The following DNMT3A variants were observed in gnomAD, a reference collection of about 807,000 sequenced individuals.
DNMT3A encodes DNA methyltransferase 3 alpha, also known as DNA (cytosine-5)-methyltransferase 3A.
In DNMT3A, 267 loss-of-function variants were observed where a neutral mutation model predicts 117.6. The ratio of observed to expected loss-of-function variants is 2.27; its 90% CI spans 2.05 to 2.51. The LOEUF (loss-of-function observed/expected upper bound fraction) is 2.51. Among genes scored for constraint, DNMT3A ranks in the 30% most tolerant of loss-of-function variants. The probability of loss-of-function intolerance (pLI) is 0.00; values close to 1 mark genes in which losing one functional copy is unlikely to be tolerated. For synonymous variants in DNMT3A, 432 were observed against 474.8 expected, an observed-to-expected ratio of 0.91 and a Z score of 1.17; for missense variants, 1,029 against 1,260.2, an observed-to-expected ratio of 0.82 and a Z score of 2.78.
rs1426101138 is a variant in DNMT3A, at chr2:25,339,393, C to T, written c.-178+2433G>A. ...ACTCCTTGAGTCTAGAAGGAATTCACCTTTCTTAGGGTCAGTCTCCTATGG... is the reference window on the plus strand; with the variant it reads ...ACTCCTTGAGTCTAGAAGGAATTCATCTTTCTTAGGGTCAGTCTCCTATGG... On this transcript the variant is annotated intron_variant, in intron 1 of 22. Transcript: ENST00000321117. The surrounding 1 kb of genome is among the most constrained non-coding windows in gnomAD (Gnocchi z 4.9). 6.6e-6 allele frequency among the ~76,000 whole-genome samples: 1 copy of T among 152,194 alleles called. No homozygotes were observed. The highest frequency in any genetic ancestry group is 2.4e-5 in the African/African-American group (1 of 41,452).
In DNMT3A at chr2:25,341,847, C is replaced by T; in HGVS notation, c.-199G>A. On this transcript the variant is annotated 5_prime_UTR_variant, in exon 1 of 23. Transcript: ENST00000321117. Reference sequence around the variant, plus strand: ...TTACCGTATGGCCGGTGGGGTCGGGCCGGCCCGGCTGCGCGCCCTGGTGCC... The same window carrying T: ...TTACCGTATGGCCGGTGGGGTCGGGTCGGCCCGGCTGCGCGCCCTGGTGCC... 1.0e-6 allele frequency: 1 copy of T among 980,038 alleles called. No individual in the cohort carries two copies. Among genetic ancestry groups the T allele is most frequent in the South Asian group, 4.6e-5 (1 of 21,974 alleles). 60.7% of individuals were successfully genotyped at this position (980,038 alleles called of 1,614,324 possible). A position where few individuals can be genotyped will look rare whatever the true frequency, so the allele number is the denominator to read the frequency against.
chr2:25,234,521 C>G lies in DNMT3A; in HGVS notation c.2598-101G>C, dbSNP rs1318889348. 7.1e-7 allele frequency: 1 copy of G among 1,401,704 alleles called. No individual in the cohort carries two copies. Among genetic ancestry groups the G allele is most frequent in the African/African-American group, 1.4e-5 (1 of 69,386 alleles). 86.8% of individuals were successfully genotyped at this position (1,401,704 alleles called of 1,614,324 possible). A position where few individuals can be genotyped will look rare whatever the true frequency, so the allele number is the denominator to read the frequency against. On this transcript the variant is annotated intron_variant, in intron 22 of 22. Coordinates refer to ENST00000321117, the MANE Select transcript of DNMT3A (RefSeq NM_022552.5). The surrounding 1 kb of genome is among the most constrained non-coding windows in gnomAD (Gnocchi z 4.5). Reference sequence around the variant, plus strand: ...GCAGGACCCGGAGGACCAGCAGCCACCCGAAGTGCAGGGACAGGGGCACTC... The same window carrying G: ...GCAGGACCCGGAGGACCAGCAGCCAGCCGAAGTGCAGGGACAGGGGCACTC...
chr2:25,247,218 GC>G lies in DNMT3A; in HGVS notation c.1015-61del. On this transcript the variant is annotated intron_variant, in intron 8 of 22. Transcript: ENST00000321117. This position sits in a 1 kb window ranked among gnomAD's most constrained non-coding sequence, Gnocchi z 5.6. The stretch of plus-strand genomic sequence containing the variant: ...TTACACTTGCAAGCACCCACCCCAT[GC>G]CTTGCAACTGGCAGGGGCTGGGAGC... 1 of 1,540,258 alleles carries G rather than the reference GC, an allele frequency of 6.5e-7. No homozygotes were observed. Among genetic ancestry groups the G allele is most frequent in the Non-Finnish European group, 8.9e-7 (1 of 1,121,840 alleles).
chr2:25,305,455 A>C lies in DNMT3A; in HGVS notation c.73-5212T>G, dbSNP rs1453360308. ...GACGATAATAATCTCTCACATTTGCACTGAACGTGGTAATTAACAAAGCAT... is the reference window on the plus strand; with the variant it reads ...GACGATAATAATCTCTCACATTTGCCCTGAACGTGGTAATTAACAAAGCAT... On this transcript the variant is annotated intron_variant, in intron 2 of 22. Coordinates refer to ENST00000321117, the MANE Select transcript of DNMT3A (RefSeq NM_022552.5). The surrounding 1 kb of genome is among the most constrained non-coding windows in gnomAD (Gnocchi z 4.1). 6.6e-6 allele frequency among the ~76,000 whole-genome samples: 1 copy of C among 152,204 alleles called. No individual in the cohort carries two copies. The highest frequency in any genetic ancestry group is 2.4e-5 in the African/African-American group (1 of 41,456).
At position 25,247,968 on chromosome 2, in the gene DNMT3A, G is replaced by T; in HGVS notation, c.855+69C>A. On this transcript the variant is annotated intron_variant, in intron 7 of 22. Coordinates refer to ENST00000321117, the MANE Select transcript of DNMT3A (RefSeq NM_022552.5). This position sits in a 1 kb window ranked among gnomAD's most constrained non-coding sequence, Gnocchi z 5.6. The stretch of plus-strand genomic sequence containing the variant: ...CGTGGGAGATGGAGAGAGGAGAGCA[G>T]GACGGGAGGAGCTGGCAGTGGAAGG... 6.2e-7 allele frequency: 1 copy of T among 1,602,066 alleles called. No individual in the cohort carries two copies. Among genetic ancestry groups the T allele is most frequent in the South Asian group, 1.1e-5 (1 of 90,374 alleles).
chr2:25,270,381 G>A (rs1015513816), intron 6 of DNMT3A, among the ~76,000 whole-genome samples: 29 of 152,160 alleles, frequency 1.9e-4, no homozygotes, highest in African/African-American at 7.0e-4. Flanking sequence ...GGGAAAACTA[G>A]GAATCCTCTA....
intron 1 of DNMT3A, among the ~76,000 whole-genome samples, chr2:25,336,655 C>T (rs1416578027): frequency 6.6e-6 from 1 of 152,088 alleles, no homozygotes; most frequent in African/African-American, 2.4e-5. Context: ...CCCCTACCCC[C>T]ACTGGCCGCC....
intron 9 of DNMT3A, 57 bp downstream of exon 9, chr2:25,246,994 T>G (rs1674878027): frequency 6.3e-7 from 1 of 1,578,754 alleles, no homozygotes; most frequent in Non-Finnish European, 8.6e-7. Flanking sequence ...GCACTCCAAC[T>G]TCCAGGCCTC....
In DNMT3A at chr2:25,311,128, CGGGGGCGGGGAGG is replaced by C. The variant is rs1359277481; in HGVS notation, c.72+2772_72+2784del. Among the ~76,000 whole-genome samples, 1 of 1,064 alleles carries C rather than the reference CGGGGGCGGGGAGG, an allele frequency of 9.4e-4. No homozygotes were observed. Among genetic ancestry groups the C allele is most frequent in the Non-Finnish European group, 2.2e-3 (1 of 464 alleles). The allele number at this position is 1,064 out of a possible 152,430, so 0.7% of individuals were successfully genotyped here. On this transcript the variant is annotated intron_variant, in intron 2 of 22. Coordinates refer to ENST00000321117, the MANE Select transcript of DNMT3A (RefSeq NM_022552.5). This position sits in a 1 kb window ranked among gnomAD's most constrained non-coding sequence, Gnocchi z 5.2. ...AGGTGCATGGAGGCGGGGCTGGGGG[CGGGGGCGGGGAGG>C]GGGGGCGGCGGTGGGCAGAGGCTAG...
rs1675927459 is a variant in DNMT3A at position 25,254,324 on chromosome 2, G to A, written c.640-6072C>T. Among the ~76,000 whole-genome samples, 1 of 151,762 alleles carries A rather than the reference G, an allele frequency of 6.6e-6. No individual in the cohort carries two copies. The highest frequency in any genetic ancestry group is 1.5e-5 in the Non-Finnish European group (1 of 67,962). ...AAGTCACGAGATGTGCAGTGAGGGA[G>A]CCCCCCCTCCCCCTGAGGGCCATCA... On this transcript the variant is annotated intron_variant, in intron 6 of 22. Coordinates refer to ENST00000321117, the MANE Select transcript of DNMT3A (RefSeq NM_022552.5). The surrounding 1 kb of genome is among the most constrained non-coding windows in gnomAD (Gnocchi z 4.7).
At chr2:25,341,949 C>G (rs1573524853), upstream of DNMT3A, 5 of 978,060 alleles carry the variant, frequency 5.1e-6, no homozygotes, top group South Asian at 4.6e-5. Context: ...CCCGGCCCGC[C>G]TGCCTGCCTC....
At position 25,294,969 on chromosome 2, in the gene DNMT3A, T is replaced by C. The variant is rs867125828; in HGVS notation, c.177+5170A>G. Reference sequence around the variant, plus strand: ...TGAGCAAAAATAACCCTGGAGGAAGTTGGTGGGTATAAATCGTCAATGAAT... The same window carrying C: ...TGAGCAAAAATAACCCTGGAGGAAGCTGGTGGGTATAAATCGTCAATGAAT... On this transcript the variant is annotated intron_variant, in intron 3 of 22. Coordinates refer to ENST00000321117, the MANE Select transcript of DNMT3A (RefSeq NM_022552.5). This position sits in a 1 kb window ranked among gnomAD's most constrained non-coding sequence, Gnocchi z 4.7. 1.1e-4 allele frequency among the ~76,000 whole-genome samples: 16 copies of C among 152,092 alleles called. No individual in the cohort carries two copies. Among genetic ancestry groups the C allele is most frequent in the African/African-American group, 3.4e-4 (14 of 41,408 alleles).
rs771526818 is a variant in DNMT3A at position 25,294,798 on chromosome 2, G to T, written c.177+5341C>A. Among the ~76,000 whole-genome samples, 44 of 152,280 alleles carry T rather than the reference G, an allele frequency of 2.9e-4. No individual in the cohort carries two copies. Among genetic ancestry groups the T allele is most frequent in the Non-Finnish European group, 5.3e-4 (36 of 68,028 alleles). ...TGAAGTGGGGCAGTTTGCCCTCTTG[G>T]ACTGGCTCACTCCTGCGGTGTTGGA... On this transcript the variant is annotated intron_variant, in intron 3 of 22. Coordinates refer to ENST00000321117, the MANE Select transcript of DNMT3A (RefSeq NM_022552.5). The surrounding 1 kb of genome is among the most constrained non-coding windows in gnomAD (Gnocchi z 4.7).
Position 25,246,536 on chromosome 2 carries a change from C to T in DNMT3A, c.1279+84G>A. ...GGCCCCTCTGTGGAGGCCTTGGCAG[C>T]CCTCCCTAAGCATGGCTTTCCCAGC... On this transcript the variant is annotated intron_variant, in intron 10 of 22. Coordinates refer to ENST00000321117, the MANE Select transcript of DNMT3A (RefSeq NM_022552.5). The T allele has an allele frequency of 2.0e-6, 3 of 1,531,080 alleles. No individual in the cohort carries two copies. In the South Asian group the frequency reaches 3.9e-5, roughly 20 times the overall value. 94.8% of individuals were successfully genotyped at this position (1,531,080 alleles called of 1,614,324 possible). A position where few individuals can be genotyped will look rare whatever the true frequency, so the allele number is the denominator to read the frequency against.
chr2:25,235,198 T>C (rs34145995), intron 22 of DNMT3A, among the ~76,000 whole-genome samples: 68,729 of 150,216 alleles, frequency 0.46, 17,774 homozygotes, highest in Non-Finnish European at 0.58. Flanking sequence ...TTTTTTTTTT[T>C]CCCTTTGAGA....
In DNMT3A at chr2:25,282,703, G is replaced by C; in HGVS notation, c.186C>G (p.Ser62Arg). 2 of 1,525,846 alleles carry C rather than the reference G, an allele frequency of 1.3e-6. No homozygotes were observed. Among genetic ancestry groups the C allele is most frequent in the Non-Finnish European group, 1.8e-6 (2 of 1,135,816 alleles). 94.5% of individuals were successfully genotyped at this position (1,525,846 alleles called of 1,614,324 possible). The stretch of plus-strand genomic sequence containing the variant: ...CCGCAGGGTCCTTTGGCGTGTCACC[G>C]CTTTCCACCTGCAAATGTAAGAAAG... ...GRKRKHPPVE[S>R]GDTPKDPAVI... Residue 62 changes from serine (S) to arginine (R), a missense_variant, in exon 4 of 23, where the codon AGC becomes AGG. Physicochemically the swap from Ser to Arg is moderately radical, Grantham distance 110. Transcript: ENST00000321117. This position sits in a 1 kb window ranked among gnomAD's most constrained non-coding sequence, Gnocchi z 5.2.
chr2:25,270,410 T>A (rs138674714), intron 6 of DNMT3A, among the ~76,000 whole-genome samples: 2 of 152,334 alleles, frequency 1.3e-5, no homozygotes, highest in African/African-American at 4.8e-5. Context: ...GTAGTCCCAG[T>A]ATCTTACATG....
intron 3 of DNMT3A, among the ~76,000 whole-genome samples, chr2:25,285,421 C>A (rs1468855664): frequency 6.6e-6 from 1 of 152,218 alleles, no homozygotes; most frequent in Non-Finnish European, 1.5e-5. Context: ...GACCCGGGCA[C>A]AGGGAGCAGC....
intron 1 of DNMT3A, among the ~76,000 whole-genome samples, chr2:25,329,813 C>G (rs905999316): frequency 6.6e-6 from 1 of 152,160 alleles, no homozygotes. Context: ...CACACAGCCC[C>G]CCTCATGCTG....
Sources: gnomAD v4.1 joint callset for allele counts (sites outside exome capture counted in the v4.1 genomes callset) on GRCh38, gnomAD v4.1.1 for gene constraint, Gnocchi (gnomAD v3.1) non-coding constraint, MANE v1.5 for transcripts, NCBI Gene and HGNC (gene_info 2026-07-23, HGNC 2026-07-21) for gene names.